The following ZNF236 variants were observed in gnomAD, a reference collection of about 807,000 sequenced individuals.
ZNF236 encodes regulated by glucose.
ZNF236 carries 50 observed loss-of-function variants against 191.2 expected under a neutral mutation model. The observed-to-expected ratio is 0.26, with a 90% CI of 0.21 to 0.33. The LOEUF (loss-of-function observed/expected upper bound fraction) is 0.33. Among genes scored for constraint, ZNF236 ranks in the 10% least tolerant of loss-of-function variants. The pLI is 1.00. For synonymous variants in ZNF236, 907 were observed against 928.8 expected (o/e 0.98, Z 0.43); for missense variants, 1,754 against 2,374.5 (o/e 0.74, Z 5.43).
At chr18:76,929,561 T>C (rs1967795317) in intron 25 of ZNF236, among the ~76,000 whole-genome samples, 1 of 152,198 alleles carries the variant, frequency 6.6e-6, no homozygotes, top group Non-Finnish European at 1.5e-5. Context: ...CTGTGTGTTA[T>C]TATTGGCCAT....
At chr18:76,882,943 C>T (rs1003138051) in intron 9 of ZNF236, among the ~76,000 whole-genome samples, 13 of 152,218 alleles carry the variant, frequency 8.5e-5, no homozygotes, top group East Asian at 7.7e-4. Flanking sequence ...CTGAGCCCCA[C>T]GGGCTACTGT....
intron 3 of ZNF236, among the ~76,000 whole-genome samples, chr18:76,861,702 G>A (rs1331358992): frequency 3.3e-5 from 5 of 152,074 alleles, no homozygotes; most frequent in African/African-American, 1.2e-4. Flanking sequence ...AACCTCTAAG[G>A]TTCCAGCCAC....
At position 76,849,530 on chromosome 18, in the gene ZNF236, A is replaced by T. The variant is rs763052040; in HGVS notation, c.60A>T (p.Gly20=). 3.1e-6 allele frequency: 5 copies of T among 1,604,274 alleles called. No homozygotes were observed. Among genetic ancestry groups the T allele is most frequent in the Non-Finnish European group, 3.4e-6 (4 of 1,177,112 alleles). ...TATACTTATGCAATTTTATAGATGGAGTTTTAACATTGAATGCGGAGAACA... is the reference window on the plus strand; with the variant it reads ...TATACTTATGCAATTTTATAGATGGTGTTTTAACATTGAATGCGGAGAACA... ...RESKARGDSD[G]VLTLNAENTN... Residue 20 remains glycine, a synonymous_variant, in exon 2 of 31, where the codon GGA becomes GGT. Coordinates refer to ENST00000320610, the MANE Select transcript of ZNF236 (RefSeq NM_001306089.2).
intron 16 of ZNF236, among the ~76,000 whole-genome samples, chr18:76,911,244 A>G (rs1967210161): frequency 6.6e-6 from 1 of 152,190 alleles, no homozygotes; most frequent in African/African-American, 2.4e-5. Context: ...TCCTGGTTGG[A>G]GACATTTTAA....
chr18:76,899,635 G>A (rs1029815014), intron 11 of ZNF236, among the ~76,000 whole-genome samples: 1 of 152,116 alleles, frequency 6.6e-6, no homozygotes, highest in African/African-American at 2.4e-5. Flanking sequence ...TTAATCTTTG[G>A]ATTAAAAAGG....
In ZNF236 at chr18:76,875,678, G is replaced by A. The variant is rs1311938883; in HGVS notation, c.840+14G>A. On this transcript the variant is annotated intron_variant, in intron 6 of 30. Coordinates refer to ENST00000320610, the MANE Select transcript of ZNF236 (RefSeq NM_001306089.2). This position sits in a 1 kb window ranked among gnomAD's most constrained non-coding sequence, Gnocchi z 4.3. ...GTCCACTCAGAGGTAAACACGGGTT[G>A]GGGGCATAAGCGGTATTTCACAGGG... is the stretch of plus-strand genomic sequence containing the variant. The A allele has an allele frequency of 6.5e-7, 1 of 1,536,984 alleles. No homozygotes were observed.
chr18:76,882,488 C>T (rs543894423), intron 9 of ZNF236, among the ~76,000 whole-genome samples: 4 of 152,324 alleles, frequency 2.6e-5, no homozygotes, highest in African/African-American at 7.2e-5. Context: ...TCTACAGGAG[C>T]AGGAATTTAC....
intron 1 of ZNF236, among the ~76,000 whole-genome samples, chr18:76,845,314 C>T (rs541941864): frequency 9.2e-5 from 14 of 152,094 alleles, no homozygotes; most frequent in African/African-American, 3.1e-4. Context: ...ACATATGCAC[C>T]CCCTGTGTAT....
At chr18:76,897,768 A>G (rs1367736461) in intron 10 of ZNF236, among the ~76,000 whole-genome samples, 4 of 151,754 alleles carry the variant, frequency 2.6e-5, no homozygotes, top group Non-Finnish European at 2.9e-5. Flanking sequence ...GGAACTGCCA[A>G]TAGGTACTGC....
At chr18:76,874,873 G>A (rs181547022) in intron 5 of ZNF236, among the ~76,000 whole-genome samples, 40 of 152,344 alleles carry the variant, frequency 2.6e-4, no homozygotes, top group Admixed American at 1.3e-3. Context: ...GCTGGTGTGC[G>A]AAGCACTGCA....
At chr18:76,868,042 A>T (rs1052610882) in intron 3 of ZNF236, among the ~76,000 whole-genome samples, 1 of 152,116 alleles carries the variant, frequency 6.6e-6, no homozygotes, top group African/African-American at 2.4e-5. Context: ...TATGTCCAAA[A>T]TATGAACTCA....
At chr18:76,876,093 C>T (rs1349951005) in intron 6 of ZNF236, among the ~76,000 whole-genome samples, 1 of 152,230 alleles carries the variant, frequency 6.6e-6, no homozygotes, top group Non-Finnish European at 1.5e-5. Context: ...TCCGTTCCCT[C>T]TTGGACAGAG....
intron 25 of ZNF236, among the ~76,000 whole-genome samples, chr18:76,932,394 G>T (rs1967879861): frequency 6.6e-6 from 1 of 152,188 alleles, no homozygotes; most frequent in African/African-American, 2.4e-5. Flanking sequence ...AGTTAACATA[G>T]CAAATGTTTT....
chr18:76,965,734 G>T (rs527679984), intron 30 of ZNF236, among the ~76,000 whole-genome samples: 6 of 152,370 alleles, frequency 3.9e-5, no homozygotes, highest in Non-Finnish European at 4.4e-5. Flanking sequence ...CCTGTGATGT[G>T]AACCATTCAT....
chr18:76,824,455 A>G lies in ZNF236; in HGVS notation c.55+1793A>G, dbSNP rs1448742938. 4 of 780,860 alleles carry G rather than the reference A, an allele frequency of 5.1e-6. No individual in the cohort carries two copies. In the African/African-American group the frequency reaches 6.8e-5, roughly 13 times the overall value. 48.4% of individuals were successfully genotyped at this position (780,860 alleles called of 1,614,324 possible). On this transcript the variant is annotated intron_variant, in intron 1 of 30. Transcript: ENST00000320610. ...ACAGCAGTGCTCAGAATTTTGATTA[A>G]TGGTTGATGGTGTCTGGCCTTTAAG...
intron 11 of ZNF236, among the ~76,000 whole-genome samples, chr18:76,903,641 G>A (rs1977663685): frequency 6.6e-6 from 1 of 152,110 alleles, no homozygotes; most frequent in Non-Finnish European, 1.5e-5. Flanking sequence ...CTGACTGCGT[G>A]TGTCACCCTC....
intron 3 of ZNF236, among the ~76,000 whole-genome samples, chr18:76,864,196 CTT>C (rs1202084465): frequency 5.3e-4 from 70 of 132,072 alleles, no homozygotes; most frequent in Admixed American, 4.6e-4. Flanking sequence ...CAACAAATAT[CTT>C]TTTTTTTTTT....
intron 12 of ZNF236, 122 bp downstream of exon 12, chr18:76,904,643 C>G: frequency 1.3e-6 from 1 of 782,106 alleles, no homozygotes; most frequent in Non-Finnish European, 1.8e-6. Flanking sequence ...TCACATTTGA[C>G]TCCAAAACAT....
chr18:76,860,180 G>A (rs1976172579), intron 3 of ZNF236, among the ~76,000 whole-genome samples: 1 of 152,100 alleles, frequency 6.6e-6, no homozygotes, highest in South Asian at 2.1e-4. Context: ...AAACTTGAGG[G>A]GTGTGCGTGA....
Sources: allele counts gnomAD v4.1 joint callset (sites outside exome capture counted in the v4.1 genomes callset), GRCh38; gene constraint gnomAD v4.1.1; non-coding constraint Gnocchi (gnomAD v3.1); transcripts MANE v1.5; gene names NCBI Gene and HGNC (gene_info 2026-07-23, HGNC 2026-07-21).